Variants in ME2 observed in about 807,000 individuals in gnomAD.
ME2 encodes the protein malic enzyme 2.
Under a neutral mutation model 73.7 loss-of-function variants are expected in ME2, and 60 were observed. The ratio of observed to expected loss-of-function variants is 0.81; its 90% CI spans 0.66 to 1.01. The LOEUF (loss-of-function observed/expected upper bound fraction) is 1.01, where lower values mean the gene tolerates loss of function less well. Among genes scored for constraint, ME2 ranks in the 50% least tolerant of loss-of-function variants. ME2 has a pLI of 0.00. For synonymous variants in ME2, 199 were observed against 236.9 expected, an observed-to-expected ratio of 0.84 and a Z score of 1.47; for missense variants, 594 against 705.5, an observed-to-expected ratio of 0.84 and a Z score of 1.79.
At chr18:50,936,847 C>T (rs1917830570) in intron 13 of ME2, among the ~76,000 whole-genome samples, 1 of 152,106 alleles carries the variant, frequency 6.6e-6, no homozygotes. Context: ...CAGATGATCA[C>T]TTGAGCCTAG....
Position 50,920,704 on chromosome 18 carries a change from A to G in ME2, c.888A>G (p.Lys296=), listed in dbSNP as rs1469066156. 1 of 1,612,252 alleles carries G rather than the reference A, an allele frequency of 6.2e-7. No individual in the cohort carries two copies. Among genetic ancestry groups the G allele is most frequent in the East Asian group, 2.2e-5 (1 of 44,854 alleles). Residue 296 remains lysine (K), a synonymous_variant, in exon 9 of 16, where the codon AAA becomes AAG. Transcript: ENST00000321341. ...TAGCAGGTCTTCTTGCAGCACAAAA[A>G]GTTATTAGTAAACCAATCTCCGAAC... ...VALAGLLAAQ[K]VISKPISEHK...
intron 6 of ME2, among the ~76,000 whole-genome samples, 174 bp downstream of exon 6, chr18:50,917,682 GT>G (rs1917317330): frequency 6.6e-6 from 1 of 151,826 alleles, no homozygotes; most frequent in African/African-American, 2.4e-5. Flanking sequence ...TCTATTAAAA[GT>G]TTCTTGGTCC....
intron 14 of ME2, 40 bp from the exon 15 acceptor site, chr18:50,940,247 TA>T (rs779352906): frequency 7.4e-7 from 1 of 1,355,992 alleles, no homozygotes; most frequent in Non-Finnish European, 1.0e-6. Context: ...CTTATTCTGT[TA>T]TTTAAACAAA....
intron 15 of ME2, among the ~76,000 whole-genome samples, chr18:50,940,972 T>G: frequency 6.6e-6 from 1 of 152,134 alleles, no homozygotes; most frequent in South Asian, 2.1e-4. Context: ...GAAATAACAC[T>G]GTAGGCTGGG....
intron 3 of ME2, among the ~76,000 whole-genome samples, chr18:50,910,388 A>G (rs1917122839): frequency 6.7e-6 from 1 of 149,430 alleles, no homozygotes; most frequent in African/African-American, 2.5e-5. Context: ...GCAGTGAGCC[A>G]TGATTGCACC....
chr18:50,953,906 A>G lies in ME2; in HGVS notation c.*6722A>G, dbSNP rs574785877. Reference sequence around the variant, plus strand: ...CTAATGACCTTTAAATTTAACTGAAATTAAAACCGTACTTTTGCAGTTGAT... The same window carrying G: ...CTAATGACCTTTAAATTTAACTGAAGTTAAAACCGTACTTTTGCAGTTGAT... On this transcript the variant is annotated 3_prime_UTR_variant, in exon 16 of 16. Transcript: ENST00000321341. The G allele has an allele frequency of 6.6e-5, 10 of 152,232 alleles. No homozygotes were observed. Among genetic ancestry groups the G allele is most frequent in the Non-Finnish European group, 1.2e-4 (8 of 68,048 alleles). 9.4% of individuals were successfully genotyped at this position (152,232 alleles called of 1,614,324 possible).
chr18:50,900,179 A>G (rs1301350506), intron 2 of ME2, among the ~76,000 whole-genome samples: 1 of 150,386 alleles, frequency 6.6e-6, no homozygotes, highest in Non-Finnish European at 1.5e-5. Flanking sequence ...TACAAAGCCC[A>G]TTTCATCTTA....
intron 13 of ME2, among the ~76,000 whole-genome samples, chr18:50,937,996 A>G (rs190091360): frequency 4.3e-4 from 65 of 152,306 alleles, no homozygotes; most frequent in African/African-American, 1.4e-3. Context: ...ATGCACATCA[A>G]GGCACAGTGT....
chr18:50,908,971 T>C (rs1240923968), intron 3 of ME2, among the ~76,000 whole-genome samples: 1 of 115,766 alleles, frequency 8.6e-6, no homozygotes, highest in Non-Finnish European at 1.8e-5. Flanking sequence ...TTTTTTTTTT[T>C]GAGACAGGGT....
chr18:50,920,214 A>G (rs1007975301), intron 7 of ME2, among the ~76,000 whole-genome samples: 1 of 152,196 alleles, frequency 6.6e-6, no homozygotes, highest in Non-Finnish European at 1.5e-5. Flanking sequence ...AATAGTTTAC[A>G]TAGATTGATA....
intron 13 of ME2, among the ~76,000 whole-genome samples, chr18:50,938,802 T>A (rs1274451706): frequency 6.6e-6 from 1 of 152,042 alleles, no homozygotes. Flanking sequence ...AGCAGGAAAT[T>A]CGAGAATATA....
At chr18:50,925,676 C>T (rs1917533722) in intron 11 of ME2, 80 bp from the exon 12 acceptor site, 2 of 1,132,334 alleles carry the variant, frequency 1.8e-6, no homozygotes, top group Admixed American at 3.8e-5. Context: ...TTATTGTAGG[C>T]CTATTGTAGA....
At chr18:50,925,954 A>G (rs748736590) in intron 12 of ME2, 56 bp downstream of exon 12, 1 of 1,237,382 alleles carries the variant, frequency 8.1e-7, no homozygotes, top group Non-Finnish European at 1.2e-6. Context: ...CTAGCTTATT[A>G]GTTATACATT....
chr18:50,918,214 G>A lies in ME2; in HGVS notation c.734+1G>A, dbSNP rs1917331691. ...AGTTTATGAAAGCTATTACTGACAG[G>A]TATTTTTTAAAAGTTTGAGTATATG... is the stretch of plus-strand genomic sequence containing the variant. On this transcript the variant is annotated splice_donor_variant, in intron 7 of 15. Coordinates refer to ENST00000321341, the MANE Select transcript of ME2 (RefSeq NM_002396.5). LOFTEE classifies it high-confidence loss of function. The A allele has an allele frequency of 6.3e-7, 1 of 1,590,982 alleles. No homozygotes were observed. Among genetic ancestry groups the A allele is most frequent in the Non-Finnish European group, 8.6e-7 (1 of 1,165,034 alleles).
rs1389486236 is a variant in ME2, at chr18:50,952,147, A to G, written c.*4963A>G. ...GCACTTTGTGCATCTAATTATTAAAATGAAACTCTCTACAGGTGAGCTGAA... is the reference window on the plus strand; with the variant it reads ...GCACTTTGTGCATCTAATTATTAAAGTGAAACTCTCTACAGGTGAGCTGAA... On this transcript the variant is annotated 3_prime_UTR_variant, in exon 16 of 16. Coordinates refer to ENST00000321341, the MANE Select transcript of ME2 (RefSeq NM_002396.5). The G allele has an allele frequency of 6.6e-6, 1 of 152,188 alleles. No homozygotes were observed. Among genetic ancestry groups the G allele is most frequent in the East Asian group, 1.9e-4 (1 of 5,194 alleles). 9.4% of individuals were successfully genotyped at this position (152,188 alleles called of 1,614,324 possible). A position where few individuals can be genotyped will look rare whatever the true frequency, so the allele number is the denominator to read the frequency against.
intron 12 of ME2, among the ~76,000 whole-genome samples, chr18:50,930,196 G>T (rs529449529): frequency 1.6e-4 from 24 of 152,186 alleles, no homozygotes; most frequent in African/African-American, 4.3e-4. Context: ...GGAGGTTGAG[G>T]CTGCAGTGAG....
In ME2 at chr18:50,953,032, T is replaced by C. The variant is rs1019354939; in HGVS notation, c.*5848T>C. On this transcript the variant is annotated 3_prime_UTR_variant, in exon 16 of 16. Coordinates refer to ENST00000321341, the MANE Select transcript of ME2 (RefSeq NM_002396.5). ...CTCTCAGTGAAGAAAGCCTTCTGTG[T>C]AGGCAATTTCATCTAATACCTTCAT... The C allele has an allele frequency of 2.0e-5, 3 of 152,084 alleles. No individual in the cohort carries two copies. Among genetic ancestry groups the C allele is most frequent in the African/African-American group, 7.2e-5 (3 of 41,390 alleles). 9.4% of individuals were successfully genotyped at this position (152,084 alleles called of 1,614,324 possible).
At chr18:50,932,464 G>T in intron 13 of ME2, 104 bp downstream of exon 13, 1 of 749,018 alleles carries the variant, frequency 1.3e-6, no homozygotes, top group South Asian at 3.1e-5. Context: ...CAGTATTACA[G>T]AATTTTGGTA....
In ME2 at chr18:50,952,974, G is replaced by A. The variant is rs1028594138; in HGVS notation, c.*5790G>A. On this transcript the variant is annotated 3_prime_UTR_variant, in exon 16 of 16. Transcript: ENST00000321341. Reference sequence around the variant, plus strand: ...AATGACTTGTCAAAGGTCTTATGATGTGTGGCAGAGCCTGGGTTTTTAGCT... The same window carrying A: ...AATGACTTGTCAAAGGTCTTATGATATGTGGCAGAGCCTGGGTTTTTAGCT... 11 of 152,130 alleles carry A rather than the reference G, an allele frequency of 7.2e-5. No homozygotes were observed. Among genetic ancestry groups the A allele is most frequent in the Admixed American group, 1.3e-4 (2 of 15,282 alleles). 9.4% of individuals were successfully genotyped at this position (152,130 alleles called of 1,614,324 possible). A position where few individuals can be genotyped will look rare whatever the true frequency, so the allele number is the denominator to read the frequency against.
Sources: gnomAD v4.1 joint callset for allele counts (sites outside exome capture counted in the v4.1 genomes callset) on GRCh38, gnomAD v4.1.1 for gene constraint, MANE v1.5 for transcripts, NCBI Gene and HGNC (gene_info 2026-07-23, HGNC 2026-07-21) for gene names.